The following ASAH2 variants were observed in gnomAD, a reference collection of about 807,000 sequenced individuals.
The protein encoded by ASAH2 is neutral ceramidase.
ASAH2 carries 58 observed loss-of-function variants against 82.9 expected under a neutral mutation model. The observed-to-expected ratio is 0.70, with a 90% CI of 0.57 to 0.87. ASAH2 has a LOEUF of 0.87. Ranked by LOEUF, ASAH2 falls within the 40% of genes least tolerant of loss-of-function variation. The pLI is 0.00. For synonymous variants in ASAH2, 276 were observed against 289.7 expected (o/e 0.95, Z 0.48); for missense variants, 779 against 834.0 (o/e 0.93, Z 0.81).
intron 14 of ASAH2, among the ~76,000 whole-genome samples, chr10:50,204,535 A>G (rs1845243151): frequency 6.6e-6 from 1 of 152,026 alleles, no homozygotes; most frequent in Non-Finnish European, 1.5e-5. Context: ...TGCTTTTAAT[A>G]CCTAATCTGA....
intron 4 of ASAH2, chr10:50,240,599 T>G (rs1253294100): frequency 1.9e-5 from 13 of 702,064 alleles, no homozygotes; most frequent in South Asian, 1.5e-4. Flanking sequence ...TCTGCAATTA[T>G]GATAAACATA....
chr10:50,225,963 C>T (rs909851573), intron 7 of ASAH2, among the ~76,000 whole-genome samples: 20 of 151,892 alleles, frequency 1.3e-4, no homozygotes, highest in Non-Finnish European at 2.5e-4. Context: ...TGTGGTAGTG[C>T]GCACCTGTAA....
At chr10:50,210,621 A>T (rs1186487021) in intron 12 of ASAH2, among the ~76,000 whole-genome samples, 1 of 152,200 alleles carries the variant, frequency 6.6e-6, no homozygotes, top group African/African-American at 2.4e-5. Flanking sequence ...CCAGAATAGG[A>T]AAATATGGAG....
At position 50,236,165 on chromosome 10, in the gene ASAH2, A is replaced by G. The variant is rs927847461; in HGVS notation, c.511-101T>C. 1.7e-5 allele frequency: 17 copies of G among 1,002,328 alleles called. No homozygotes were observed. In the East Asian group the frequency reaches 3.1e-4, roughly 18 times the overall value. The allele number at this position is 1,002,328 out of a possible 1,614,324, so 62.1% of individuals were successfully genotyped here. A position where few individuals can be genotyped will look rare whatever the true frequency, so the allele number is the denominator to read the frequency against. On this transcript the variant is annotated intron_variant, in intron 4 of 20. Transcript: ENST00000682911. ...TCAATCACTGATCCATACCAATAACATCTGTATTAGTCCATTCTCATGCTG... is the reference window on the plus strand; with the variant it reads ...TCAATCACTGATCCATACCAATAACGTCTGTATTAGTCCATTCTCATGCTG...
chr10:50,230,891 A>G (rs1260261592), intron 7 of ASAH2, among the ~76,000 whole-genome samples: 1 of 151,922 alleles, frequency 6.6e-6, no homozygotes, highest in Non-Finnish European at 1.5e-5. Context: ...AATTTTAAAA[A>G]ATAGCCAGGT....
rs1158865205 is a variant in ASAH2, at chr10:50,234,486, C to A, written c.754G>T (p.Gly252Cys). 89 of 1,612,918 alleles carry A rather than the reference C, an allele frequency of 5.5e-5. No homozygotes were observed. The highest frequency in any genetic ancestry group is 2.0e-4 in the Admixed American group (12 of 59,908). The change falls in exon 6 of 21, where the codon GGT becomes TGT. Residue 252 changes from glycine (G) to cysteine (C), a missense_variant. Physicochemically the swap from Gly to Cys is radical, Grantham distance 159. This residue lies in a region of ASAH2 where 759 missense variants were observed against 755.2 expected (regional missense o/e 1.00). Coordinates refer to ENST00000682911, the MANE Select transcript of ASAH2 (RefSeq NM_019893.4). The part of the protein sequence containing the change: ...KIFINKGNVD[G>C]VQINRSPYSY... ...TACGGACTTCTGTTGATCTGCACAC[C>A]ATCCACATTTCCTTTATTGATGAAG...
intron 12 of ASAH2, among the ~76,000 whole-genome samples, chr10:50,208,223 C>T (rs1169636786): frequency 2.6e-5 from 4 of 151,956 alleles, no homozygotes; most frequent in Non-Finnish European, 2.9e-5. Context: ...TGACTGAATG[C>T]TTTTTCCATA....
At chr10:50,247,809 G>A (rs546431363) in intron 2 of ASAH2, among the ~76,000 whole-genome samples, 18 of 151,480 alleles carry the variant, frequency 1.2e-4, no homozygotes, top group African/African-American at 1.9e-4. Context: ...TGTAGCCTAC[G>A]TTGTTCTCAA....
At chr10:50,223,697 T>G (rs1287524029) in intron 7 of ASAH2, among the ~76,000 whole-genome samples, 1 of 152,176 alleles carries the variant, frequency 6.6e-6, no homozygotes, top group African/African-American at 2.4e-5. Flanking sequence ...ATATGGGTTT[T>G]ATAGATGTAA....
intron 7 of ASAH2, among the ~76,000 whole-genome samples, chr10:50,223,874 A>G (rs1189263589): frequency 6.6e-6 from 1 of 152,186 alleles, no homozygotes; most frequent in Non-Finnish European, 1.5e-5. Flanking sequence ...AAGCCAATGA[A>G]GCCAAGGATT....
At chr10:50,221,772 G>A (rs1428082427) in intron 7 of ASAH2, among the ~76,000 whole-genome samples, 1 of 152,054 alleles carries the variant, frequency 6.6e-6, no homozygotes, top group African/African-American at 2.4e-5. Context: ...ATCCACTGTG[G>A]AATCCTGGTT....
At chr10:50,240,374 C>G in intron 4 of ASAH2, 1 of 694,276 alleles carries the variant, frequency 1.4e-6, no homozygotes, top group South Asian at 1.5e-5. Context: ...GTTTTCTTAA[C>G]TGGACCCTCA....
Position 50,214,884 on chromosome 10 carries a change from C to A in ASAH2, c.1015-16G>T. 6.2e-7 allele frequency: 1 copy of A among 1,613,068 alleles called. No individual in the cohort carries two copies. The highest frequency in any genetic ancestry group is 8.5e-7 in the Non-Finnish European group (1 of 1,179,462). ...CAAATGGCCCCTGCCAAAAGAAATG[C>A]CAAGTTGCCTTTTATTCTTTCCTAT... On this transcript the variant is annotated splice_polypyrimidine_tract_variant and intron_variant, in intron 8 of 20. Coordinates refer to ENST00000682911, the MANE Select transcript of ASAH2 (RefSeq NM_019893.4).
Position 50,234,495 on chromosome 10 carries a change from T to C in ASAH2, c.745A>G (p.Asn249Asp). The C allele has an allele frequency of 6.2e-7, 1 of 1,613,066 alleles. No individual in the cohort carries two copies. The highest frequency in any genetic ancestry group is 8.5e-7 in the Non-Finnish European group (1 of 1,179,298). The stretch of plus-strand genomic sequence containing the variant: ...CTGTTGATCTGCACACCATCCACAT[T>C]TCCTTTATTGATGAAGATTTTGCCT... ...KPGKIFINKG[N>D]VDGVQINRSP... The change falls in exon 6 of 21, where the codon AAT becomes GAT. Residue 249 changes from asparagine (N) to aspartate (D), a missense_variant. Asn to Asp is a conservative substitution (Grantham distance 23, BLOSUM62 1). Coordinates refer to ENST00000682911, the MANE Select transcript of ASAH2 (RefSeq NM_019893.4).
chr10:50,196,168 T>G (rs1219693817), intron 18 of ASAH2, among the ~76,000 whole-genome samples: 4 of 151,822 alleles, frequency 2.6e-5, no homozygotes, highest in African/African-American at 9.7e-5. Flanking sequence ...ATATATAATT[T>G]TTATTTATCA....
intron 7 of ASAH2, among the ~76,000 whole-genome samples, chr10:50,225,451 A>C (rs952398795): frequency 2.0e-5 from 3 of 152,192 alleles, no homozygotes; most frequent in African/African-American, 7.2e-5. Flanking sequence ...AAATCCTTGC[A>C]CATTACATGG....
rs535439765 is a variant in ASAH2 at position 50,248,274 on chromosome 10, G to C, written c.127+210C>G. On this transcript the variant is annotated intron_variant, in intron 2 of 20. Transcript: ENST00000682911. ...CAAACAAGTACATGTCAGAATGCCT[G>C]TCAGCTGGCTATTGGGGACAAAGGT... Among the ~76,000 whole-genome samples the C allele has an allele frequency of 3.9e-5, 6 of 152,362 alleles. No individual in the cohort carries two copies. The East Asian group carries it at 9.6e-4, about 24-fold the overall frequency.
intron 4 of ASAH2, among the ~76,000 whole-genome samples, chr10:50,239,979 T>G (rs2669700): frequency 0.8 from 120,495 of 151,372 alleles, 48,265 homozygotes; most frequent in Non-Finnish European, 0.84. Context: ...ACAGGCTCCT[T>G]CCAGCATGCA....
At chr10:50,202,580 C>T (rs1000476766) in intron 16 of ASAH2, among the ~76,000 whole-genome samples, 1 of 151,968 alleles carries the variant, frequency 6.6e-6, no homozygotes, top group Non-Finnish European at 1.5e-5. Flanking sequence ...TTACCAATGC[C>T]CCTGACAAAA....
Sources: gnomAD v4.1 joint callset for allele counts (sites outside exome capture counted in the v4.1 genomes callset) on GRCh38, gnomAD v4.1.1 for gene constraint, gnomAD v4.1.1 regional missense constraint, MANE v1.5 for transcripts, NCBI Gene and HGNC (gene_info 2026-07-23, HGNC 2026-07-21) for gene names.